Variants in EGFR observed in about 807,000 individuals in gnomAD.
The protein encoded by EGFR is epidermal growth factor receptor.
In EGFR, 58 loss-of-function variants were observed where a neutral mutation model predicts 143.0. That is an observed-to-expected ratio of 0.41 (90% CI 0.33 to 0.50). The LOEUF is 0.50. EGFR is among the 20% of genes least tolerant of loss of function. The pLI is 0.39. For missense variants in EGFR, 1,307 were observed against 1,579.0 expected, an observed-to-expected ratio of 0.83 and a Z score of 2.92; for synonymous variants, 613 against 594.4, an observed-to-expected ratio of 1.03 and a Z score of -0.45.
chr7:55,094,087 A>G (rs1218935304), intron 1 of EGFR, among the ~76,000 whole-genome samples: 3 of 152,172 alleles, frequency 2.0e-5, no homozygotes, highest in Non-Finnish European at 4.4e-5. Context: ...TTGAAGTCAA[A>G]TTTCCCCCAT....
intron 1 of EGFR, among the ~76,000 whole-genome samples, chr7:55,082,874 C>T (rs1314250630): frequency 6.6e-6 from 1 of 152,190 alleles, no homozygotes; most frequent in Non-Finnish European, 1.5e-5. Flanking sequence ...GAGGATGATG[C>T]CCCTGGCCTC....
In EGFR at chr7:55,208,289, C is replaced by T. The variant is rs912386926; in HGVS notation, c.*2672C>T. On this transcript the variant is annotated 3_prime_UTR_variant, in exon 28 of 28. Coordinates refer to ENST00000275493, the MANE Select transcript of EGFR (RefSeq NM_005228.5). ...GTCAGGAGAGGAGCTGCCCAAAGTC[C>T]CATGATTTTCACCTAACAGCCCTGA... 1 of 152,170 alleles carries T rather than the reference C, an allele frequency of 6.6e-6. No individual in the cohort carries two copies. The highest frequency in any genetic ancestry group is 1.5e-5 in the Non-Finnish European group (1 of 68,080). 9.4% of individuals were successfully genotyped at this position (152,170 alleles called of 1,614,324 possible).
rs542898868 is a variant in EGFR, at chr7:55,110,406, C to T, written c.89-31880C>T. Among the ~76,000 whole-genome samples, 17 of 152,284 alleles carry T rather than the reference C, an allele frequency of 1.1e-4. No homozygotes were observed. The South Asian group carries it at 1.5e-3, about 13-fold the overall frequency. The stretch of plus-strand genomic sequence containing the variant: ...CCAGGTTGCTGCAGCCAAGCCTGCC[C>T]GGTCTGCGGGGCGTCCTCACACATG... On this transcript the variant is annotated intron_variant, in intron 1 of 27. Transcript: ENST00000275493.
rs1248966220 is a variant in EGFR, at chr7:55,160,120, T to C, written c.1299-19T>C. 1.2e-6 allele frequency: 2 copies of C among 1,613,574 alleles called. No individual in the cohort carries two copies. The highest frequency in any genetic ancestry group is 1.7e-6 in the Non-Finnish European group (2 of 1,179,746). On this transcript the variant is annotated intron_variant, in intron 11 of 27. Transcript: ENST00000275493. ...TTTTATAATTTTTCACCACATGATT[T>C]TTCTTCTCTCCAATGTAGTGGTCAG...
chr7:55,145,860 C>T (rs528597922), intron 3 of EGFR, among the ~76,000 whole-genome samples: 5 of 152,266 alleles, frequency 3.3e-5, no homozygotes, highest in Admixed American at 2.0e-4. Flanking sequence ...GCTCCCAGAT[C>T]GAAGCCAGTG....
intron 1 of EGFR, among the ~76,000 whole-genome samples, chr7:55,053,030 C>T (rs1265812972): frequency 6.6e-6 from 1 of 152,074 alleles, no homozygotes; most frequent in African/African-American, 2.4e-5. Flanking sequence ...CCCTGAGTCT[C>T]GGAAAATAGC....
At chr7:55,156,984 G>C in intron 10 of EGFR, 152 bp downstream of exon 10, 1 of 1,506,634 alleles carries the variant, frequency 6.6e-7, no homozygotes, top group East Asian at 2.5e-5. Context: ...CAAAAGTGCA[G>C]TTTCTCCTGC....
intron 1 of EGFR, among the ~76,000 whole-genome samples, chr7:55,126,897 T>C (rs551495103): frequency 6.6e-6 from 1 of 152,228 alleles, no homozygotes; most frequent in Admixed American, 6.5e-5. Flanking sequence ...TTACTAAGGA[T>C]CATACCGTAG....
chr7:55,136,852 T>C (rs888574891), intron 1 of EGFR, among the ~76,000 whole-genome samples: 1 of 152,170 alleles, frequency 6.6e-6, no homozygotes, highest in Non-Finnish European at 1.5e-5. Context: ...TTTGGGGATA[T>C]TGTGTTTTGT....
intron 18 of EGFR, among the ~76,000 whole-genome samples, 165 bp from the exon 19 acceptor site, chr7:55,174,557 G>A (rs1214523302): frequency 6.6e-6 from 1 of 152,158 alleles, no homozygotes; most frequent in Non-Finnish European, 1.5e-5. Flanking sequence ...CAGGGCTGCG[G>A]GGGCGTCACA....
At chr7:55,095,240 C>T (rs558221276) in intron 1 of EGFR, among the ~76,000 whole-genome samples, 2 of 152,324 alleles carry the variant, frequency 1.3e-5, no homozygotes, top group East Asian at 3.9e-4. Context: ...GACTGGCCCT[C>T]CACCATGTGA....
intron 1 of EGFR, among the ~76,000 whole-genome samples, chr7:55,120,860 T>C (rs1272174342): frequency 6.6e-6 from 1 of 152,168 alleles, no homozygotes; most frequent in South Asian, 2.1e-4. Flanking sequence ...TAGGAAGACA[T>C]TTGATGGAAA....
chr7:55,104,272 A>G (rs940759901), intron 1 of EGFR, among the ~76,000 whole-genome samples: 3 of 152,244 alleles, frequency 2.0e-5, no homozygotes, highest in South Asian at 2.1e-4. Flanking sequence ...AGCAAGTGCC[A>G]TGGAATTCCC....
At chr7:55,108,250 C>T (rs1173123387) in intron 1 of EGFR, among the ~76,000 whole-genome samples, 2 of 152,220 alleles carry the variant, frequency 1.3e-5, no homozygotes, top group Non-Finnish European at 2.9e-5. Context: ...TAGAATCATG[C>T]TTATGTTCTA....
At chr7:55,132,225 T>G (rs1280307519) in intron 1 of EGFR, among the ~76,000 whole-genome samples, 1 of 152,188 alleles carries the variant, frequency 6.6e-6, no homozygotes, top group Non-Finnish European at 1.5e-5. Flanking sequence ...GGGGTGGATA[T>G]GCACCACCCC....
intron 1 of EGFR, among the ~76,000 whole-genome samples, chr7:55,080,902 T>G (rs1314015226): frequency 6.6e-6 from 1 of 152,164 alleles, no homozygotes; most frequent in Non-Finnish European, 1.5e-5. Flanking sequence ...GCCCTCCCTG[T>G]ACAACTAGGA....
intron 1 of EGFR, among the ~76,000 whole-genome samples, chr7:55,048,252 G>A (rs1327989407): frequency 2.6e-5 from 4 of 152,180 alleles, no homozygotes; most frequent in Non-Finnish European, 5.9e-5. Flanking sequence ...CTGGGACGAG[G>A]CATCTGCATG....
intron 22 of EGFR, among the ~76,000 whole-genome samples, chr7:55,194,300 C>T (rs1253782832): frequency 6.6e-6 from 1 of 150,620 alleles, no homozygotes; most frequent in Non-Finnish European, 1.5e-5. Context: ...AGTCTCGGCT[C>T]ACTGCAACCT....
chr7:55,088,672 G>A (rs113045605), intron 1 of EGFR, among the ~76,000 whole-genome samples: 1,648 of 152,264 alleles, frequency 0.011, 10 homozygotes, highest in Middle Eastern at 0.034. Flanking sequence ...AGCTTCCATC[G>A]TGCTGCTAAT....
Sources: allele counts gnomAD v4.1 joint callset (sites outside exome capture counted in the v4.1 genomes callset), GRCh38; gene constraint gnomAD v4.1.1; transcripts MANE v1.5; gene names NCBI Gene and HGNC (gene_info 2026-07-23, HGNC 2026-07-21).